ROBO2: variants seen among roughly 807,000 people sequenced by gnomAD.
ROBO2 encodes the protein roundabout homolog 2.
Under a neutral mutation model 160.8 loss-of-function variants are expected in ROBO2, and 53 were observed. The observed-to-expected ratio is 0.33, with a 90% CI of 0.26 to 0.41. ROBO2 has a LOEUF of 0.41. Among genes scored for constraint, ROBO2 ranks in the 10% least tolerant of loss-of-function variants. ROBO2 has a pLI of 1.00. For synonymous variants in ROBO2, 664 were observed against 611.7 expected (o/e 1.09, Z -1.26); for missense variants, 1,577 against 1,722.4 (o/e 0.92, Z 1.49).
chr3:76,036,660 G>A (rs750738052), intron 2 of ROBO2, among the ~76,000 whole-genome samples: 2 of 150,176 alleles, frequency 1.3e-5, no homozygotes, highest in Non-Finnish European at 3.0e-5. Context: ...ATGCACCACC[G>A]TACCCAGCTA....
chr3:76,930,448 T>C (rs1290061255), intron 2 of ROBO2, among the ~76,000 whole-genome samples: 1 of 152,220 alleles, frequency 6.6e-6, no homozygotes, highest in Non-Finnish European at 1.5e-5. Flanking sequence ...AAACACTTCC[T>C]ATTCATTTTC....
At position 77,228,435 on chromosome 3, in the gene ROBO2, A is replaced by ACC. The variant is rs1553857576; in HGVS notation, c.388+130097_388+130098dup. On this transcript the variant is annotated intron_variant, in intron 2 of 25. Transcript: ENST00000461745. ...CACAAACACACACACACACACACAC[A>ACC]CCCTTTTTTTTTAATTTCAAAAATT... Among the ~76,000 whole-genome samples, 32 of 150,456 alleles carry ACC rather than the reference A, an allele frequency of 2.1e-4. 1 individual carries two copies. Among genetic ancestry groups the ACC allele is most frequent in the African/African-American group, 7.1e-4 (29 of 40,844 alleles).
intron 2 of ROBO2, among the ~76,000 whole-genome samples, chr3:76,573,031 G>T (rs1237563646): frequency 6.6e-6 from 1 of 151,986 alleles, no homozygotes; most frequent in Non-Finnish European, 1.5e-5. Flanking sequence ...AAAAAATGTT[G>T]GTTTTTGTTG....
chr3:76,123,451 CCTTA>C (rs2070835151), intron 2 of ROBO2, among the ~76,000 whole-genome samples: 1 of 152,012 alleles, frequency 6.6e-6, no homozygotes, highest in Non-Finnish European at 1.5e-5. Context: ...TTCAATTTTT[CCTTA>C]CTTCTCTCTA....
At chr3:76,272,087 C>T (rs1486370697) in intron 2 of ROBO2, among the ~76,000 whole-genome samples, 1 of 152,034 alleles carries the variant, frequency 6.6e-6, no homozygotes, top group Non-Finnish European at 1.5e-5. Context: ...CCAACATAAA[C>T]ATATAAAAGT....
Position 76,665,757 on chromosome 3 carries a change from T to C in ROBO2, c.110-432257T>C, listed in dbSNP as rs369420432. Among the ~76,000 whole-genome samples the C allele has an allele frequency of 6.6e-4, 99 of 151,056 alleles. No individual in the cohort carries two copies. The South Asian group carries it at 9.4e-3, about 14-fold the overall frequency. On this transcript the variant is annotated intron_variant, in intron 2 of 26. Transcript: ENST00000487694. ...TTTCATATTGTATCAGCTTATCATT[T>C]TAAATTCATCTTTATCCCTTTCCAA...
chr3:76,064,349 G>C (rs373015379), intron 2 of ROBO2, among the ~76,000 whole-genome samples: 3 of 152,134 alleles, frequency 2.0e-5, no homozygotes, highest in Non-Finnish European at 4.4e-5. Flanking sequence ...GAGGAAGCTC[G>C]GCTGCAAATC....
At chr3:76,390,354 TATAA>T (rs1237548452) in intron 2 of ROBO2, among the ~76,000 whole-genome samples, 1 of 152,152 alleles carries the variant, frequency 6.6e-6, no homozygotes, top group Non-Finnish European at 1.5e-5. Flanking sequence ...TAACTATATA[TATAA>T]ACTATTCTGT....
chr3:76,106,484 T>C (rs1014909432), intron 2 of ROBO2, among the ~76,000 whole-genome samples: 1 of 152,112 alleles, frequency 6.6e-6, no homozygotes, highest in Non-Finnish European at 1.5e-5. Flanking sequence ...TGGACTTGAA[T>C]AGAACGTCTT....
At chr3:76,821,111 T>A (rs2109131713) in intron 2 of ROBO2, among the ~76,000 whole-genome samples, 1 of 151,990 alleles carries the variant, frequency 6.6e-6, no homozygotes, top group East Asian at 1.9e-4. Context: ...GAAATAATCT[T>A]CTGCGTATTG....
chr3:77,621,365 G>A (rs1199684495), intron 22 of ROBO2, among the ~76,000 whole-genome samples: 2 of 152,098 alleles, frequency 1.3e-5, no homozygotes, highest in African/African-American at 2.4e-5. Context: ...AGTCAGGGCT[G>A]TAGTGAGCCA....
In ROBO2 at chr3:76,883,768, C is replaced by T. The variant is rs552002080; in HGVS notation, c.110-214246C>T. Among the ~76,000 whole-genome samples the T allele has an allele frequency of 1.5e-4, 23 of 152,238 alleles. No individual in the cohort carries two copies. In the East Asian group the frequency reaches 2.9e-3, roughly 19 times the overall value. On this transcript the variant is annotated intron_variant, in intron 2 of 26. Coordinates refer to the ROBO2 transcript ENST00000487694. ...CAATGGTTTCCTAAAACTGGTAAAA[C>T]GATTAACTGTGGAATTTGTGCTGGA...
chr3:76,233,724 A>G (rs1704764147), intron 2 of ROBO2, among the ~76,000 whole-genome samples: 2 of 152,166 alleles, frequency 1.3e-5, no homozygotes, highest in Admixed American at 1.3e-4. Flanking sequence ...ATCTATTTCA[A>G]TTTGATGTCT....
rs1219580267 is a variant in ROBO2 at position 76,185,195 on chromosome 3, G to GATATAT, written c.109+247609_109+247614dup. 4.5e-3 allele frequency among the ~76,000 whole-genome samples: 200 copies of GATATAT among 44,520 alleles called. 10 individuals are homozygous for GATATAT. In the South Asian group the frequency reaches 0.063, roughly 14 times the overall value. The allele number at this position is 44,520 out of a possible 152,430, so 29.2% of individuals were successfully genotyped here. On this transcript the variant is annotated intron_variant, in intron 2 of 26. Coordinates refer to the ROBO2 transcript ENST00000487694. ...TTCTAGGCTTCTATAAGTAAACACA[G>GATATAT]ATATATATATATATATATATACACA...
intron 2 of ROBO2, among the ~76,000 whole-genome samples, chr3:77,218,566 G>T (rs576725754): frequency 6.6e-6 from 1 of 152,042 alleles, no homozygotes; most frequent in Middle Eastern, 3.4e-3. Flanking sequence ...TAGAGATGGG[G>T]TTTTACCATC....
At chr3:76,675,586 C>G (rs932875701) in intron 2 of ROBO2, among the ~76,000 whole-genome samples, 2 of 152,158 alleles carry the variant, frequency 1.3e-5, no homozygotes, top group African/African-American at 4.8e-5. Flanking sequence ...TGAAGCCTTC[C>G]TAGACTAGGG....
chr3:76,202,648 T>C (rs921662454), intron 2 of ROBO2, among the ~76,000 whole-genome samples: 1 of 152,212 alleles, frequency 6.6e-6, no homozygotes, highest in East Asian at 1.9e-4. Flanking sequence ...ACAACCAAAA[T>C]TTTTTTCCAT....
intron 2 of ROBO2, among the ~76,000 whole-genome samples, chr3:76,849,099 A>G (rs2069069249): frequency 6.6e-6 from 1 of 152,218 alleles, no homozygotes; most frequent in Non-Finnish European, 1.5e-5. Flanking sequence ...AGAATTTTGA[A>G]AAAGATATTT....
At chr3:76,539,092 G>C (rs774252863) in intron 2 of ROBO2, among the ~76,000 whole-genome samples, 9 of 152,022 alleles carry the variant, frequency 5.9e-5, no homozygotes, top group Non-Finnish European at 7.4e-5. Context: ...ACTAACACAG[G>C]AACAGAAAAC....
Sources: allele counts gnomAD v4.1 joint callset (sites outside exome capture counted in the v4.1 genomes callset), GRCh38; gene constraint gnomAD v4.1.1; transcripts MANE v1.5; gene names NCBI Gene and HGNC (gene_info 2026-07-23, HGNC 2026-07-21).